Variants in SALL2 observed in about 807,000 individuals in gnomAD.
The protein encoded by SALL2 is spalt like transcription factor 2.
Under a neutral mutation model 58.5 loss-of-function variants are expected in SALL2, and 32 were observed. That is an observed-to-expected ratio of 0.55 (90% CI 0.41 to 0.74). SALL2 has a LOEUF of 0.74. Ranked by LOEUF, SALL2 falls within the 30% of genes least tolerant of loss-of-function variation. SALL2 has a pLI of 0.00. For missense variants in SALL2, 1,201 were observed against 1,268.9 expected, an observed-to-expected ratio of 0.95 and a Z score of 0.81; for synonymous variants, 516 against 513.6, an observed-to-expected ratio of 1.00 and a Z score of -0.06.
Position 21,524,141 on chromosome 14 carries a change from T to C in SALL2, c.1581A>G (p.Pro527=), listed in dbSNP as rs1224899262. The C allele has an allele frequency of 1.2e-6, 2 of 1,612,578 alleles. No individual in the cohort carries two copies. Among genetic ancestry groups the C allele is most frequent in the Non-Finnish European group, 1.7e-6 (2 of 1,179,256 alleles). ...PKNKADENTP[P]GSEGSAISGV... is the part of the protein sequence containing the mutation. Reference sequence around the variant, plus strand: ...CACTGATGGCTGAGCCCTCACTCCCTGGGGGGGTGTTTTCATCAGCTTTAT... The same window carrying C: ...CACTGATGGCTGAGCCCTCACTCCCCGGGGGGGTGTTTTCATCAGCTTTAT... The change falls in exon 2 of 2, where the codon CCA becomes CCG. Residue 527 remains proline (P), a synonymous_variant. Coordinates refer to ENST00000537235, the MANE Select transcript of SALL2 (RefSeq NM_001364564.1).
rs769281163 is a variant in SALL2, at chr14:21,524,335, C to T, written c.1387G>A (p.Ala463Thr). The change falls in exon 2 of 2, where the codon GCA (alanine) becomes ACA (threonine). Residue 463 changes from alanine to threonine, a missense_variant. By Grantham distance (58) the Ala-to-Thr change is moderately conservative. Around this residue, in one of 3 missense-constraint regions of SALL2, gnomAD observed 675 missense variants for 683.8 expected, o/e 0.99. Transcript: ENST00000537235. Reference protein sequence around the residue: ...SVPPEKAEEEAATPGGGVERK... With the variant: ...SVPPEKAEEETATPGGGVERK... Reference sequence around the variant, plus strand: ...TCAACCCCTCCACCTGGAGTGGCTGCCTCCTCCTCGGCCTTCTCTGGTGGC... The same window carrying T: ...TCAACCCCTCCACCTGGAGTGGCTGTCTCCTCCTCGGCCTTCTCTGGTGGC... 6.2e-7 allele frequency: 1 copy of T among 1,613,468 alleles called. No individual in the cohort carries two copies. The highest frequency in any genetic ancestry group is 1.7e-5 in the Admixed American group (1 of 59,980).
chr14:21,526,477 C>T (rs1002939187), upstream of SALL2: 22 of 1,265,914 alleles, frequency 1.7e-5, no homozygotes, highest in Non-Finnish European at 2.2e-5. Flanking sequence ...GGAGAGTTTC[C>T]GGAGGCGCAG....
At position 21,525,751 on chromosome 14, in the gene SALL2, G is replaced by T. The variant is rs893091854; in HGVS notation, c.68-97C>A. 2 of 1,367,178 alleles carry T rather than the reference G, an allele frequency of 1.5e-6. No individual in the cohort carries two copies. Among genetic ancestry groups the T allele is most frequent in the Non-Finnish European group, 2.0e-6 (2 of 1,017,984 alleles). The allele number at this position is 1,367,178 out of a possible 1,614,324, so 84.7% of individuals were successfully genotyped here. A position where few individuals can be genotyped will look rare whatever the true frequency, so the allele number is the denominator to read the frequency against. On this transcript the variant is annotated intron_variant, in intron 1 of 1. Coordinates refer to ENST00000537235, the MANE Select transcript of SALL2 (RefSeq NM_001364564.1). This position sits in a 1 kb window ranked among gnomAD's most constrained non-coding sequence, Gnocchi z 4.4. ...AGGAGGCCAGTAACCGCTAGTTGGG[G>T]GTGGGGAGATGAGCTCACCATCAGG...
intron 1 of SALL2, among the ~76,000 whole-genome samples, chr14:21,535,047 CAT>C (rs901187447): frequency 1.4e-4 from 21 of 152,238 alleles, no homozygotes; most frequent in African/African-American, 5.1e-4. Flanking sequence ...TGACACGTCT[CAT>C]AAAGAAATGC....
Position 21,525,435 on chromosome 14 carries a change from T to TCC in SALL2, c.286_287insGG (p.Asn96ArgfsTer44), listed in dbSNP as rs1272943975. The TCC allele has an allele frequency of 6.2e-7, 1 of 1,613,752 alleles. No homozygotes were observed. Among genetic ancestry groups the TCC allele is most frequent in the East Asian group, 2.2e-5 (1 of 44,844 alleles). On this transcript the variant is annotated frameshift_variant, in exon 2 of 2. Coordinates refer to ENST00000537235, the MANE Select transcript of SALL2 (RefSeq NM_001364564.1). LOFTEE classifies it high-confidence loss of function. This position sits in a 1 kb window ranked among gnomAD's most constrained non-coding sequence, Gnocchi z 4.4. ...CACGGAGGACCCAGAATCTGGGGGGTTGCTATGCTCTGTGTCCATGACCTG... is the reference window on the plus strand; with the variant it reads ...CACGGAGGACCCAGAATCTGGGGGGTCCTGCTATGCTCTGTGTCCATGACCTG...
At chr14:21,536,762 G>T in intron 1 of SALL2, 2 of 1,059,874 alleles carry the variant, frequency 1.9e-6, no homozygotes, top group Non-Finnish European at 2.9e-6. Context: ...GCCTGGTTTC[G>T]CCCATGGCCC....
chr14:21,536,205 CTTCTT>C (rs1892592341), intron 1 of SALL2, among the ~76,000 whole-genome samples: 1 of 152,200 alleles, frequency 6.6e-6, no homozygotes, highest in African/African-American at 2.4e-5. Flanking sequence ...TTTTCTTGCA[CTTCTT>C]TTGTTTTGTT....
chr14:21,531,563 C>T (rs897878982), intron 1 of SALL2, among the ~76,000 whole-genome samples: 3 of 152,040 alleles, frequency 2.0e-5, no homozygotes, highest in Admixed American at 6.6e-5. Context: ...TGTGCCACCA[C>T]GCCCGGCTAA....
chr14:21,525,990 G>T lies in SALL2; in HGVS notation c.67+71C>A, dbSNP rs1892287012. On this transcript the variant is annotated intron_variant, in intron 1 of 1. Coordinates refer to ENST00000537235, the MANE Select transcript of SALL2 (RefSeq NM_001364564.1). The surrounding 1 kb of genome is among the most constrained non-coding windows in gnomAD (Gnocchi z 4.4). ...AATCATGCATTTTCTCCCACCCACCGAAAGTCTTCGCCGCCCCTGCGCATC... is the reference window on the plus strand; with the variant it reads ...AATCATGCATTTTCTCCCACCCACCTAAAGTCTTCGCCGCCCCTGCGCATC... 3 of 1,349,264 alleles carry T rather than the reference G, an allele frequency of 2.2e-6. No individual in the cohort carries two copies. The highest frequency in any genetic ancestry group is 1.2e-5 in the South Asian group (1 of 80,192). The allele number at this position is 1,349,264 out of a possible 1,614,324, so 83.6% of individuals were successfully genotyped here.
chr14:21,522,469 G>T lies in SALL2; in HGVS notation c.*235C>A. ...GGGTTCCCCTTGAGAAAGCTGCAGA[G>T]AATCTATGTTCCTCAGGTACAAAGA... On this transcript the variant is annotated 3_prime_UTR_variant, in exon 2 of 2. Transcript: ENST00000537235. The T allele has an allele frequency of 7.1e-7, 1 of 1,400,586 alleles. No homozygotes were observed. Among genetic ancestry groups the T allele is most frequent in the South Asian group, 1.8e-5 (1 of 56,954 alleles). 86.8% of individuals were successfully genotyped at this position (1,400,586 alleles called of 1,614,324 possible).
chr14:21,536,712 T>A, intron 1 of SALL2: 1 of 637,072 alleles, frequency 1.6e-6, no homozygotes, highest in Non-Finnish European at 2.8e-6. Context: ...ACTCCCTGCA[T>A]CTCAACTCCT....
At position 21,524,999 on chromosome 14, in the gene SALL2, G is replaced by A. The variant is rs1362848887; in HGVS notation, c.723C>T (p.Ser241=). The change falls in exon 2 of 2, where the codon AGC becomes AGT. Residue 241 remains serine (S), a synonymous_variant. Transcript: ENST00000537235. ...TGCTGGTTTGGACAGGCTTGATGGG[G>A]CTGAAGAGGGGTAGTAGGGGCTTGG... is the stretch of plus-strand genomic sequence containing the variant. ...SSTKPLLPLF[S]PIKPVQTSKT... is the part of the protein sequence containing the mutation. 2 of 1,613,804 alleles carry A rather than the reference G, an allele frequency of 1.2e-6. No individual in the cohort carries two copies. The highest frequency in any genetic ancestry group is 1.7e-6 in the Non-Finnish European group (2 of 1,179,916).
intron 1 of SALL2, among the ~76,000 whole-genome samples, chr14:21,533,761 G>C (rs1409089508): frequency 6.6e-6 from 1 of 152,078 alleles, no homozygotes; most frequent in East Asian, 1.9e-4. Context: ...TGATGTCTTA[G>C]GTCACTGCAG....
At chr14:21,531,602 T>C (rs182006706) in intron 1 of SALL2, among the ~76,000 whole-genome samples, 1 of 152,130 alleles carries the variant, frequency 6.6e-6, no homozygotes, top group Admixed American at 6.5e-5. Context: ...GAGACGGGGT[T>C]TCTTCATATT....
At chr14:21,532,647 G>A (rs927248995) in intron 1 of SALL2, among the ~76,000 whole-genome samples, 13 of 151,074 alleles carry the variant, frequency 8.6e-5, no homozygotes, top group Non-Finnish European at 1.5e-4. Flanking sequence ...CTCAAAAAAA[G>A]AAAAAAATTT....
At chr14:21,529,333 G>C (rs960814029), upstream of SALL2, among the ~76,000 whole-genome samples, 6 of 152,228 alleles carry the variant, frequency 3.9e-5, no homozygotes, top group South Asian at 1.2e-3. Context: ...AAATGACAAA[G>C]AAAAGGGAAA....
chr14:21,524,414 T>C lies in SALL2; in HGVS notation c.1308A>G (p.Pro436=). Residue 436 remains proline, a synonymous_variant, in exon 2 of 2, where the codon CCA becomes CCG. Coordinates refer to ENST00000537235, the MANE Select transcript of SALL2 (RefSeq NM_001364564.1). ...TGGTAATGACATAGTCTAGGTGCTC[T>C]GGTACTGGGTGTGGGTTCATCTGCA... ...PHVQMNPHPV[P]EHLDYVITSS... is the part of the protein sequence containing the mutation. 11 of 1,614,232 alleles carry C rather than the reference T, an allele frequency of 6.8e-6. No homozygotes were observed. Among genetic ancestry groups the C allele is most frequent in the Non-Finnish European group, 9.3e-6 (11 of 1,180,040 alleles).
intron 1 of SALL2, among the ~76,000 whole-genome samples, chr14:21,535,774 T>C (rs1283939138): frequency 6.6e-6 from 1 of 152,230 alleles, no homozygotes. Flanking sequence ...CAGTTGCCTG[T>C]CTGGAGCCAG....
Position 21,522,635 on chromosome 14 carries a change from C to G in SALL2, c.*69G>C. On this transcript the variant is annotated 3_prime_UTR_variant, in exon 2 of 2. Coordinates refer to ENST00000537235, the MANE Select transcript of SALL2 (RefSeq NM_001364564.1). ...AAAGACAAAATCAGGGCTCATAACT[C>G]TGGGAGGTCCTTTTGTGAAGCTGTT... The G allele has an allele frequency of 6.7e-7, 1 of 1,494,406 alleles. No homozygotes were observed. Among genetic ancestry groups the G allele is most frequent in the Non-Finnish European group, 8.9e-7 (1 of 1,123,494 alleles). The allele number at this position is 1,494,406 out of a possible 1,614,324, so 92.6% of individuals were successfully genotyped here. A position where few individuals can be genotyped will look rare whatever the true frequency, so the allele number is the denominator to read the frequency against.
Sources: gnomAD v4.1 joint callset for allele counts (sites outside exome capture counted in the v4.1 genomes callset) on GRCh38, gnomAD v4.1.1 for gene constraint, gnomAD v4.1.1 regional missense constraint, Gnocchi (gnomAD v3.1) non-coding constraint, MANE v1.5 for transcripts, NCBI Gene and HGNC (gene_info 2026-07-23, HGNC 2026-07-21) for gene names.